The following CES5A variants were observed in gnomAD, a reference collection of about 807,000 sequenced individuals.
The protein encoded by CES5A is carboxylesterase 5A.
A neutral mutation model predicts 62.9 loss-of-function variants in CES5A; 67 were observed. The observed-to-expected ratio is 1.07, with a 90% CI of 0.88 to 1.31. The LOEUF (loss-of-function observed/expected upper bound fraction) is 1.31. CES5A is among the 50% of genes most tolerant of loss of function. The probability of loss-of-function intolerance (pLI) is 0.00; values close to 1 mark genes in which losing one functional copy is unlikely to be tolerated. For synonymous variants in CES5A, 296 were observed against 280.8 expected (o/e 1.05, Z -0.54); for missense variants, 748 against 708.5 (o/e 1.06, Z -0.63).
intron 1 of CES5A, among the ~76,000 whole-genome samples, chr16:55,890,819 G>T (rs9746865): frequency 6.6e-6 from 1 of 152,110 alleles, no homozygotes; most frequent in African/African-American, 2.4e-5. Flanking sequence ...AGTTTATTTC[G>T]CCAAGGTTGA....
At chr16:55,904,499 C>T (rs1597143166) in intron 1 of CES5A, among the ~76,000 whole-genome samples, 1 of 152,306 alleles carries the variant, frequency 6.6e-6, no homozygotes, top group African/African-American at 2.4e-5. Flanking sequence ...CTCCGAGATC[C>T]TAATTCCTCC....
intron 9 of CES5A, among the ~76,000 whole-genome samples, chr16:55,855,384 A>G (rs1433944929): frequency 6.6e-6 from 1 of 152,268 alleles, no homozygotes; most frequent in Admixed American, 6.5e-5. Context: ...GTAAGATCAG[A>G]TACTGCTAAG....
upstream of CES5A, among the ~76,000 whole-genome samples, chr16:55,879,256 C>A (rs1326099658): frequency 3.4e-5 from 5 of 147,434 alleles, no homozygotes; most frequent in African/African-American, 7.6e-5. Context: ...ACCACTGTAC[C>A]CCTAACAGTG....
chr16:55,884,467 T>G (rs1386330797), intron 1 of CES5A, among the ~76,000 whole-genome samples: 4 of 152,192 alleles, frequency 2.6e-5, no homozygotes, highest in Non-Finnish European at 5.9e-5. Context: ...CTACCCAGCC[T>G]CAGGATGAGT....
intron 9 of CES5A, 23 bp downstream of exon 9, chr16:55,856,354 C>G (rs761662827): frequency 2.5e-6 from 4 of 1,612,160 alleles, no homozygotes; most frequent in Non-Finnish European, 3.4e-6. Flanking sequence ...CTCTGGAGTA[C>G]TGCAGCCTCC....
At chr16:55,952,687 T>A (rs889136429) in intron 1 of CES5A, among the ~76,000 whole-genome samples, 1 of 151,896 alleles carries the variant, frequency 6.6e-6, no homozygotes, top group Admixed American at 6.6e-5. Context: ...TAAATCACAA[T>A]AAACAATAAA....
upstream of CES5A, among the ~76,000 whole-genome samples, chr16:55,928,678 G>A (rs575892195): frequency 4.6e-5 from 7 of 152,294 alleles, no homozygotes; most frequent in Non-Finnish European, 7.4e-5. Flanking sequence ...TAGCTGATCT[G>A]GGTGCAACAG....
chr16:55,876,440 C>A (rs147537866), upstream of CES5A, among the ~76,000 whole-genome samples: 1,337 of 152,240 alleles, frequency 8.8e-3, 25 homozygotes, highest in African/African-American at 0.031. Flanking sequence ...TGGAGAAGAT[C>A]CCCAAAGTAA....
At chr16:55,862,758 C>A (rs1316040629) in intron 6 of CES5A, among the ~76,000 whole-genome samples, 2 of 152,210 alleles carry the variant, frequency 1.3e-5, no homozygotes, top group African/African-American at 4.8e-5. Context: ...ACAGCTCATT[C>A]ATTAACTCAT....
rs144385182 is a variant in CES5A, at chr16:55,870,704, A to C, written c.417+921T>G. ...CAGAGCAAGACTCTGTCCCAAAAAA[A>C]AGAGGGAAGAGTAAAATTTTTATTG... On this transcript the variant is annotated intron_variant, in intron 3 of 12. Transcript: ENST00000290567. Among the ~76,000 whole-genome samples the C allele has an allele frequency of 2.1e-3, 313 of 152,326 alleles. 1 individual carries two copies. The highest frequency in any genetic ancestry group is 7.3e-3 in the African/African-American group (303 of 41,576).
chr16:55,912,738 T>G (rs1268867775), intron 1 of CES5A, among the ~76,000 whole-genome samples: 13 of 152,008 alleles, frequency 8.6e-5, no homozygotes, highest in African/African-American at 3.1e-4. Context: ...TGCTGGAGTG[T>G]GGGGTTAAGG....
intron 7 of CES5A, 121 bp from the exon 8 acceptor site, chr16:55,859,808 T>C (rs2033316774): frequency 2.5e-6 from 2 of 808,286 alleles, no homozygotes; most frequent in East Asian, 5.3e-5. Context: ...TAAATGCACT[T>C]AAAAAGTAAA....
At chr16:55,932,957 C>A (rs1314259565) in intron 2 of CES5A, among the ~76,000 whole-genome samples, 1 of 152,206 alleles carries the variant, frequency 6.6e-6, no homozygotes, top group Non-Finnish European at 1.5e-5. Flanking sequence ...GAAGTTCAGA[C>A]TAGGGTAGCA....
chr16:55,873,424 T>C (rs1172707902), intron 2 of CES5A, among the ~76,000 whole-genome samples: 1 of 152,132 alleles, frequency 6.6e-6, no homozygotes, highest in African/African-American at 2.4e-5. Flanking sequence ...AGTCTGACCA[T>C]AGAGCCAGGC....
chr16:55,856,040 C>T (rs2033236746), intron 9 of CES5A, among the ~76,000 whole-genome samples: 1 of 152,090 alleles, frequency 6.6e-6, no homozygotes, highest in Non-Finnish European at 1.5e-5. Context: ...CTGCTCTGGC[C>T]ATGTAAGACA....
At position 55,937,594 on chromosome 16, in the gene CES5A, C is replaced by T. The variant is rs138345697; in HGVS notation, c.160+12191G>A. Reference sequence around the variant, plus strand: ...AGTTGGCTGAGTGACAAACAGGTGGCGGATGGCCAAGCCAAGTGGGCATAT... The same window carrying T: ...AGTTGGCTGAGTGACAAACAGGTGGTGGATGGCCAAGCCAAGTGGGCATAT... On this transcript the variant is annotated intron_variant, in intron 2 of 13. Coordinates refer to the CES5A transcript ENST00000521992. Among the ~76,000 whole-genome samples, 147 of 152,262 alleles carry T rather than the reference C, an allele frequency of 9.7e-4. 2 individuals carry two copies. In the East Asian group the frequency reaches 0.012, roughly 12 times the overall value.
rs545527146 is a variant in CES5A at position 55,849,755 on chromosome 16, T to C, written c.1292A>G (p.Tyr431Cys). ...AGGCCGGTGCCGAAACTCATAGAAGTAGACAGGTGCACCAGCATCTGACAA... is the reference window on the plus strand; with the variant it reads ...AGGCCGGTGCCGAAACTCATAGAAGCAGACAGGTGCACCAGCATCTGACAA... ...RYHRDAGAPV[Y>C]FYEFRHRPQC... is the part of the protein sequence containing the mutation. Residue 431 changes from tyrosine to cysteine, a missense_variant, in exon 11 of 13, where the codon TAC (tyrosine) becomes TGC (cysteine). Transcript: ENST00000290567. 1.1e-5 allele frequency: 18 copies of C among 1,613,786 alleles called. No individual in the cohort carries two copies. In the African/African-American group the frequency reaches 1.3e-4, roughly 12 times the overall value.
At chr16:55,918,713 A>T (rs1351803652) in intron 1 of CES5A, among the ~76,000 whole-genome samples, 2 of 152,178 alleles carry the variant, frequency 1.3e-5, no homozygotes, top group Admixed American at 1.3e-4. Flanking sequence ...AGGGGATCTG[A>T]AACCACTTCT....
chr16:55,901,682 T>C (rs1291123695), intron 1 of CES5A, among the ~76,000 whole-genome samples: 1 of 152,208 alleles, frequency 6.6e-6, no homozygotes, highest in African/African-American at 2.4e-5. Flanking sequence ...AGGACTGGAA[T>C]CACCTGCCAA....
Sources: gnomAD v4.1 joint callset for allele counts (sites outside exome capture counted in the v4.1 genomes callset) on GRCh38, gnomAD v4.1.1 for gene constraint, MANE v1.5 for transcripts, NCBI Gene and HGNC (gene_info 2026-07-23, HGNC 2026-07-21) for gene names.